The following HIP1 variants were observed in gnomAD, a reference collection of about 807,000 sequenced individuals.
HIP1 encodes huntingtin interacting protein 1.
HIP1 carries 65 observed loss-of-function variants against 147.6 expected under a neutral mutation model. That is an observed-to-expected ratio of 0.44 (90% CI 0.36 to 0.54). The LOEUF (loss-of-function observed/expected upper bound fraction) is 0.54, where lower values mean the gene tolerates loss of function less well. Among genes scored for constraint, HIP1 ranks in the 20% least tolerant of loss-of-function variants. The probability of loss-of-function intolerance (pLI) is 0.00; values close to 1 mark genes in which losing one functional copy is unlikely to be tolerated. For missense variants in HIP1, 1,061 were observed against 1,299.6 expected, an observed-to-expected ratio of 0.82 and a Z score of 2.82; for synonymous variants, 479 against 504.0, an observed-to-expected ratio of 0.95 and a Z score of 0.67.
At chr7:75,564,213 T>A (rs1479766526) in intron 9 of HIP1, among the ~76,000 whole-genome samples, 1 of 152,088 alleles carries the variant, frequency 6.6e-6, no homozygotes, top group Non-Finnish European at 1.5e-5. Context: ...TTTTTCTCAT[T>A]CTCAAATCTC....
At chr7:75,737,875 C>A (rs533125567) in intron 1 of HIP1, among the ~76,000 whole-genome samples, 49 of 152,286 alleles carry the variant, frequency 3.2e-4, no homozygotes, top group African/African-American at 1.1e-3. Context: ...AGCATTGGCA[C>A]TGGGATTAAA....
Position 75,576,579 on chromosome 7 carries a change from A to G in HIP1, c.605-2678T>C, listed in dbSNP as rs587670576. ...TCTACTAAAAATACAAAAATTGGCC[A>G]GGTGTGGTAGCGGGCACCTGTAGTC... On this transcript the variant is annotated intron_variant, in intron 7 of 30. Coordinates refer to ENST00000336926, the MANE Select transcript of HIP1 (RefSeq NM_005338.7). Among the ~76,000 whole-genome samples, 111 of 152,206 alleles carry G rather than the reference A, an allele frequency of 7.3e-4. 1 individual carries two copies. Among genetic ancestry groups the G allele is most frequent in the African/African-American group, 2.4e-3 (100 of 41,556 alleles).
chr7:75,692,141 C>T (rs576962668), intron 1 of HIP1, among the ~76,000 whole-genome samples: 1 of 152,280 alleles, frequency 6.6e-6, no homozygotes, highest in Non-Finnish European at 1.5e-5. Flanking sequence ...GTTGTCTCCC[C>T]CCGTCCCAAT....
At chr7:75,702,674 G>C (rs1800872847) in intron 1 of HIP1, among the ~76,000 whole-genome samples, 1 of 152,202 alleles carries the variant, frequency 6.6e-6, no homozygotes, top group Non-Finnish European at 1.5e-5. Flanking sequence ...GAAGGGGAAG[G>C]GGACCTGGTG....
chr7:75,660,499 C>T (rs1192970273), intron 1 of HIP1, among the ~76,000 whole-genome samples: 1 of 152,098 alleles, frequency 6.6e-6, no homozygotes, highest in Non-Finnish European at 1.5e-5. Context: ...TGCACTCCAG[C>T]CTGGGCAACA....
At chr7:75,650,709 C>T (rs1798947018) in intron 1 of HIP1, among the ~76,000 whole-genome samples, 3 of 152,038 alleles carry the variant, frequency 2.0e-5, no homozygotes, top group South Asian at 2.1e-4. Context: ...GGATTACAGG[C>T]GTGAGCCACC....
chr7:75,570,290 GTTTCT>G (rs1337312928), intron 8 of HIP1, among the ~76,000 whole-genome samples: 2 of 145,514 alleles, frequency 1.4e-5, no homozygotes, highest in Non-Finnish European at 3.0e-5. Flanking sequence ...GTTGTGACAC[GTTTCT>G]TTTTTTTTTT....
Position 75,544,705 on chromosome 7 carries a change from G to A in HIP1, c.2756C>T (p.Ala919Val). Reference protein sequence around the residue: ...EIAASTAQLVAASKVKADKDS... With the variant: ...EIAASTAQLVVASKVKADKDS... ...CCAGCCAGGTCCTACCTTGGATGCA[G>A]CCACAAGCTGGGCTGTGCTAGCAGC... The change falls in exon 27 of 31, where the codon GCT (alanine) becomes GTT (valine). Residue 919 changes from alanine (A) to valine (V), a missense_variant. By Grantham distance (64) the Ala-to-Val change is moderately conservative. Coordinates refer to ENST00000336926, the MANE Select transcript of HIP1 (RefSeq NM_005338.7). 6.2e-7 allele frequency: 1 copy of A among 1,608,894 alleles called. No individual in the cohort carries two copies.
intron 1 of HIP1, among the ~76,000 whole-genome samples, chr7:75,699,255 T>C (rs1800739998): frequency 1.3e-5 from 2 of 152,110 alleles, no homozygotes; most frequent in African/African-American, 4.8e-5. Flanking sequence ...TACAAAGATA[T>C]TTTCTGGTCT....
chr7:75,670,087 C>A (rs1331118864), intron 1 of HIP1, among the ~76,000 whole-genome samples: 1 of 151,142 alleles, frequency 6.6e-6, no homozygotes, highest in African/African-American at 2.4e-5. Flanking sequence ...AGGCATGAGC[C>A]ACCATGCCCG....
intron 1 of HIP1, among the ~76,000 whole-genome samples, chr7:75,704,569 CTTG>C (rs1422094060): frequency 2.2e-4 from 33 of 149,366 alleles, no homozygotes; most frequent in African/African-American, 6.7e-4. Flanking sequence ...TCAACTGTTT[CTTG>C]TTGTTGTTGT....
chr7:75,634,746 A>C (rs1798363077), intron 1 of HIP1, among the ~76,000 whole-genome samples: 1 of 151,868 alleles, frequency 6.6e-6, no homozygotes, highest in Non-Finnish European at 1.5e-5. Context: ...GGCAACATAG[A>C]AGACCCCCGT....
intron 1 of HIP1, among the ~76,000 whole-genome samples, chr7:75,722,515 A>T (rs1037917611): frequency 1.4e-4 from 21 of 152,186 alleles, no homozygotes; most frequent in African/African-American, 5.1e-4. Context: ...GTGCTCTGGG[A>T]GCTCTTGGCT....
intron 1 of HIP1, among the ~76,000 whole-genome samples, chr7:75,605,422 G>C (rs868968856): frequency 6.6e-6 from 1 of 152,326 alleles, no homozygotes; most frequent in African/African-American, 2.4e-5. Flanking sequence ...GTGGGCTTCT[G>C]AGTGGCAAGA....
Position 75,578,643 on chromosome 7 carries a change from A to C in HIP1, c.604+2594T>G, listed in dbSNP as rs923030998. ...CAGTGAGCCGGAATCGCACCACTGC[A>C]TTCCAGCTTGGGTGACACAACCAGA... On this transcript the variant is annotated intron_variant, in intron 7 of 30. Transcript: ENST00000336926. Among the ~76,000 whole-genome samples, 8 of 152,276 alleles carry C rather than the reference A, an allele frequency of 5.3e-5. No individual in the cohort carries two copies. The East Asian group carries it at 1.5e-3, about 29-fold the overall frequency.
rs1234566534 is a variant in HIP1, at chr7:75,544,744, C to T, written c.2717G>A (p.Cys906Tyr). ...TGTGCTAGCAGCAATTTCATGAGAA[C>T]ACACCATTAGCTCCTCAAATTTCCC... The part of the protein sequence containing the change: ...GRGKFEELMV[C>Y]SHEIAASTAQ... Residue 906 changes from cysteine (C) to tyrosine (Y), a missense_variant, in exon 27 of 31, where the codon TGT becomes TAT. By Grantham distance (194) the Cys-to-Tyr change is radical. This residue lies in a region of HIP1 where 810 missense variants were observed against 946.8 expected (regional missense o/e 0.86). Coordinates refer to ENST00000336926, the MANE Select transcript of HIP1 (RefSeq NM_005338.7). The T allele has an allele frequency of 1.2e-6, 2 of 1,613,864 alleles. No individual in the cohort carries two copies. The highest frequency in any genetic ancestry group is 1.7e-6 in the Non-Finnish European group (2 of 1,179,810).
intron 7 of HIP1, 107 bp from the exon 8 acceptor site, chr7:75,574,008 T>C (rs1239400246): frequency 4.4e-6 from 4 of 907,658 alleles, no homozygotes; most frequent in East Asian, 5.1e-5. Context: ...ACCGATTCTG[T>C]GCGTGCTTTA....
At chr7:75,570,357 T>C (rs1795576379) in intron 8 of HIP1, among the ~76,000 whole-genome samples, 2 of 150,900 alleles carry the variant, frequency 1.3e-5, no homozygotes, top group South Asian at 4.2e-4. Flanking sequence ...AGTGGCACGA[T>C]CTCGGCTCAC....
At chr7:75,681,204 C>T (rs575879111) in intron 1 of HIP1, among the ~76,000 whole-genome samples, 6 of 152,056 alleles carry the variant, frequency 3.9e-5, no homozygotes, top group Non-Finnish European at 7.4e-5. Flanking sequence ...TGAGCCACCG[C>T]GCCCAGTGAT....
Sources: gnomAD v4.1 joint callset for allele counts (sites outside exome capture counted in the v4.1 genomes callset) on GRCh38, gnomAD v4.1.1 for gene constraint, gnomAD v4.1.1 regional missense constraint, MANE v1.5 for transcripts, NCBI Gene and HGNC (gene_info 2026-07-23, HGNC 2026-07-21) for gene names.